Variants in NUBPL observed in about 807,000 individuals in gnomAD.
NUBPL encodes the protein NUBP iron-sulfur cluster assembly factor, mitochondrial.
Under a neutral mutation model 45.7 loss-of-function variants are expected in NUBPL, and 31 were observed. The observed-to-expected ratio is 0.68, with a 90% CI of 0.51 to 0.92. The LOEUF (loss-of-function observed/expected upper bound fraction) is 0.92. NUBPL is among the 40% of genes least tolerant of loss of function. The pLI is 0.00. For missense variants in NUBPL, 401 were observed against 398.7 expected (o/e 1.01, Z -0.05); for synonymous variants, 144 against 140.9 (o/e 1.02, Z -0.15).
chr14:31,718,864 G>A (rs2037745769), intron 6 of NUBPL, among the ~76,000 whole-genome samples: 1 of 152,168 alleles, frequency 6.6e-6, no homozygotes, highest in Non-Finnish European at 1.5e-5. Context: ...ATGAACCTGA[G>A]TAATTGAAAT....
At chr14:31,766,338 G>A in intron 6 of NUBPL, among the ~76,000 whole-genome samples, 1 of 152,130 alleles carries the variant, frequency 6.6e-6, no homozygotes, top group East Asian at 1.9e-4. Flanking sequence ...TTAGGGCCTA[G>A]TCATTTAATT....
chr14:31,603,175 C>T (rs1195733284), intron 4 of NUBPL, among the ~76,000 whole-genome samples: 1 of 151,444 alleles, frequency 6.6e-6, no homozygotes, highest in Non-Finnish European at 1.5e-5. Context: ...TGGCTCACAC[C>T]TGTAGTCCCT....
At chr14:31,667,949 C>T (rs2036475566) in intron 4 of NUBPL, 1 of 154,876 alleles carries the variant, frequency 6.5e-6, no homozygotes. Flanking sequence ...GGGGCACCCA[C>T]CAGATGCCAG....
intron 7 of NUBPL, among the ~76,000 whole-genome samples, chr14:31,814,597 A>T (rs192850712): frequency 7.9e-5 from 12 of 152,062 alleles, no homozygotes; most frequent in African/African-American, 2.9e-4. Flanking sequence ...TGTTTTAATC[A>T]TGAAGTCTTT....
chr14:31,834,495 G>T (rs899022713), intron 8 of NUBPL, among the ~76,000 whole-genome samples: 2 of 152,018 alleles, frequency 1.3e-5, no homozygotes, highest in African/African-American at 4.8e-5. Flanking sequence ...GAACTTTTTA[G>T]TATTTATTTG....
intron 6 of NUBPL, among the ~76,000 whole-genome samples, chr14:31,730,724 C>T (rs1196036308): frequency 6.6e-6 from 1 of 152,132 alleles, no homozygotes; most frequent in Non-Finnish European, 1.5e-5. Context: ...CCTTGGCCTC[C>T]CAAAGTGCTG....
intron 6 of NUBPL, among the ~76,000 whole-genome samples, chr14:31,739,458 A>G (rs2038236878): frequency 6.6e-6 from 1 of 151,928 alleles, no homozygotes; most frequent in South Asian, 2.1e-4. Flanking sequence ...GTATAGGTAT[A>G]TGTGTATATG....
intron 3 of NUBPL, among the ~76,000 whole-genome samples, chr14:31,567,245 A>G (rs2033459660): frequency 6.6e-6 from 1 of 152,120 alleles, no homozygotes; most frequent in African/African-American, 2.4e-5. Context: ...TTCCCTCTCA[A>G]AGAGTTTAGG....
intron 6 of NUBPL, among the ~76,000 whole-genome samples, chr14:31,696,470 G>C (rs920928183): frequency 1.3e-5 from 2 of 151,960 alleles, no homozygotes; most frequent in Non-Finnish European, 2.9e-5. Flanking sequence ...CTCGTTACAT[G>C]GCCTTCTTCC....
At chr14:31,566,224 G>A (rs919773380) in intron 3 of NUBPL, among the ~76,000 whole-genome samples, 1 of 152,030 alleles carries the variant, frequency 6.6e-6, no homozygotes, top group Non-Finnish European at 1.5e-5. Context: ...TCCAGAATCT[G>A]CCAGATCCTG....
intron 6 of NUBPL, among the ~76,000 whole-genome samples, chr14:31,709,942 G>A (rs2037533898): frequency 6.6e-6 from 1 of 152,170 alleles, no homozygotes; most frequent in South Asian, 2.1e-4. Context: ...GATGTAAATG[G>A]CAAGCTTTGC....
intron 6 of NUBPL, among the ~76,000 whole-genome samples, chr14:31,720,006 AG>A (rs1277049180): frequency 6.6e-6 from 1 of 152,196 alleles, no homozygotes. Flanking sequence ...TTGGATATTT[AG>A]ATTGTTTACT....
intron 6 of NUBPL, among the ~76,000 whole-genome samples, chr14:31,744,685 A>T (rs1315564391): frequency 6.9e-6 from 1 of 144,436 alleles, no homozygotes; most frequent in Non-Finnish European, 1.5e-5. Context: ...GCAGTGGCAC[A>T]ATCTCGGCTC....
At position 31,860,006 on chromosome 14, in the gene NUBPL, T is replaced by G. The variant is rs2040686851; in HGVS notation, c.*826T>G. ...TGTACACCAATGTGCTTTTGTTAAT[T>G]AAAAAAAGTCGGTGGTGGCTAGGCG... On this transcript the variant is annotated 3_prime_UTR_variant, in exon 11 of 11. Transcript: ENST00000281081. 6.6e-6 allele frequency: 1 copy of G among 151,952 alleles called. No individual in the cohort carries two copies. The highest frequency in any genetic ancestry group is 1.5e-5 in the Non-Finnish European group (1 of 67,992). The allele number at this position is 151,952 out of a possible 1,614,324, so 9.4% of individuals were successfully genotyped here.
chr14:31,634,026 A>G (rs1000538972), intron 4 of NUBPL, among the ~76,000 whole-genome samples: 4 of 152,108 alleles, frequency 2.6e-5, no homozygotes, highest in African/African-American at 9.7e-5. Flanking sequence ...CACCCAATAT[A>G]AAATGGTGGG....
At chr14:31,616,934 G>T (rs1240043198) in intron 4 of NUBPL, among the ~76,000 whole-genome samples, 10 of 151,880 alleles carry the variant, frequency 6.6e-5, no homozygotes, top group African/African-American at 2.4e-4. Context: ...ATTTGTTTGT[G>T]TCCTCTCATT....
intron 8 of NUBPL, among the ~76,000 whole-genome samples, chr14:31,839,595 A>C (rs998009159): frequency 6.6e-6 from 1 of 152,242 alleles, no homozygotes; most frequent in Non-Finnish European, 1.5e-5. Flanking sequence ...AAAATAGACA[A>C]ATAGGATTAC....
At position 31,799,356 on chromosome 14, in the gene NUBPL, A is replaced by C. The variant is rs964270867; in HGVS notation, c.607+11483A>C. ...ACAAGTCTGTGGAGTTAAGTTCTCC[A>C]CAAGTAAGGGTAGATAATCAGAAAG... On this transcript the variant is annotated intron_variant, in intron 7 of 10. Coordinates refer to ENST00000281081, the MANE Select transcript of NUBPL (RefSeq NM_025152.3). Among the ~76,000 whole-genome samples, 18 of 152,300 alleles carry C rather than the reference A, an allele frequency of 1.2e-4. No homozygotes were observed. The East Asian group carries it at 3.3e-3, about 28-fold the overall frequency.
chr14:31,836,237 G>T (rs1296928350), intron 8 of NUBPL, among the ~76,000 whole-genome samples: 1 of 152,190 alleles, frequency 6.6e-6, no homozygotes, highest in Non-Finnish European at 1.5e-5. Context: ...CAAAAAGGTT[G>T]TGGTGGCTGA....
Sources: allele counts gnomAD v4.1 joint callset (sites outside exome capture counted in the v4.1 genomes callset), GRCh38; gene constraint gnomAD v4.1.1; transcripts MANE v1.5; gene names NCBI Gene and HGNC (gene_info 2026-07-23, HGNC 2026-07-21).